Variants in SLC16A7 observed in about 807,000 individuals in gnomAD.
SLC16A7 encodes monocarboxylate transporter 2.
Under a neutral mutation model 34.9 loss-of-function variants are expected in SLC16A7, and 33 were observed. The ratio of observed to expected loss-of-function variants is 0.94; its 90% CI spans 0.72 to 1.26. The LOEUF (loss-of-function observed/expected upper bound fraction) is 1.26, where lower values mean the gene tolerates loss of function less well. Among genes scored for constraint, SLC16A7 ranks in the 50% most tolerant of loss-of-function variants. SLC16A7 has a pLI of 0.00. For synonymous variants in SLC16A7, 201 were observed against 206.6 expected (o/e 0.97, Z 0.23); for missense variants, 573 against 578.1 (o/e 0.99, Z 0.09).
intron 2 of SLC16A7, among the ~76,000 whole-genome samples, chr12:59,701,342 T>C (rs1361878373): frequency 8.6e-5 from 13 of 150,832 alleles, no homozygotes; most frequent in Admixed American, 8.6e-4. Context: ...GAGCCAGTAT[T>C]CGTAGCATTT....
intron 1 of SLC16A7, among the ~76,000 whole-genome samples, chr12:59,633,805 C>A (rs1592414647): frequency 6.6e-6 from 1 of 151,934 alleles, no homozygotes; most frequent in Admixed American, 6.6e-5. Context: ...ACCATCAGAT[C>A]TCCTGAAAAG....
chr12:59,727,170 A>ATATATATATATATATATATAAT (rs1555174538), intron 3 of SLC16A7, among the ~76,000 whole-genome samples: 5 of 144,376 alleles, frequency 3.5e-5, no homozygotes, highest in African/African-American at 1.3e-4. Context: ...ATATATATAT[A>ATATATATATATATATATATAAT]ATATATATAT....
At chr12:59,602,479 CT>C (rs34035713) in intron 1 of SLC16A7, among the ~76,000 whole-genome samples, 473 of 80,260 alleles carry the variant, frequency 5.9e-3, no homozygotes, top group Middle Eastern at 0.027. Flanking sequence ...GTGTTTTGGG[CT>C]TTTTTTTTTT....
intron 2 of SLC16A7, among the ~76,000 whole-genome samples, chr12:59,661,989 A>G (rs148131703): frequency 8.7e-4 from 132 of 151,586 alleles, no homozygotes; most frequent in African/African-American, 3.1e-3. Flanking sequence ...TGTTAGGATT[A>G]TGGTACTCTT....
In SLC16A7 at chr12:59,596,726, G is replaced by A. The variant is rs1054005945; in HGVS notation, c.-130+490G>A. Among the ~76,000 whole-genome samples the A allele has an allele frequency of 9.2e-5, 14 of 152,100 alleles. No homozygotes were observed. The highest frequency in any genetic ancestry group is 1.3e-4 in the Non-Finnish European group (9 of 68,030). ...CTTCATTGCCGCAGAAGGTGGAGGC[G>A]GGGGTGGAGTGTGTGGAGAGAACGT... On this transcript the variant is annotated intron_variant, in intron 1 of 5. Coordinates refer to ENST00000547379, the MANE Select transcript of SLC16A7 (RefSeq NM_001270623.2). This position sits in a 1 kb window ranked among gnomAD's most constrained non-coding sequence, Gnocchi z 5.0.
In SLC16A7 at chr12:59,774,870, GT is replaced by G; in HGVS notation, c.577del (p.Ser193ProfsTer3). 6.2e-7 allele frequency: 1 copy of G among 1,613,844 alleles called. No homozygotes were observed. The highest frequency in any genetic ancestry group is 1.7e-5 in the Admixed American group (1 of 59,954). On this transcript the variant is annotated frameshift_variant, in exon 5 of 6. Coordinates refer to ENST00000547379, the MANE Select transcript of SLC16A7 (RefSeq NM_001270623.2). LOFTEE classifies it high-confidence loss of function. ...CTACTTTTGAATGCCTGTGTGGCTG[GT>G]TCCCTCATGAGACCCCTTGGACCCA... ...GSLLLNACVA[G>X]SLMRPLGPNQ... is the part of the protein sequence containing the mutation.
chr12:59,753,147 A>G (rs898514617), intron 3 of SLC16A7, among the ~76,000 whole-genome samples: 2 of 152,234 alleles, frequency 1.3e-5, no homozygotes, highest in African/African-American at 4.8e-5. Flanking sequence ...GCCACTGCAA[A>G]ATCATGCCAA....
chr12:59,673,834 T>G (rs1870088630), intron 2 of SLC16A7, among the ~76,000 whole-genome samples: 1 of 152,146 alleles, frequency 6.6e-6, no homozygotes, highest in Admixed American at 6.5e-5. Flanking sequence ...CATTTATTTA[T>G]CTGTTAGTTC....
chr12:59,706,642 G>A, intron 3 of SLC16A7, among the ~76,000 whole-genome samples: 1 of 152,074 alleles, frequency 6.6e-6, no homozygotes, highest in African/African-American at 2.4e-5. Flanking sequence ...GAAACAGTAG[G>A]TATTGTAGAG....
At chr12:59,648,776 T>G (rs1015954858) in intron 1 of SLC16A7, among the ~76,000 whole-genome samples, 4 of 152,162 alleles carry the variant, frequency 2.6e-5, no homozygotes, top group African/African-American at 9.6e-5. Context: ...TGTTTAAGCC[T>G]CTAGTGATAG....
At chr12:59,604,996 G>A (rs1020853770) in intron 1 of SLC16A7, among the ~76,000 whole-genome samples, 6 of 151,984 alleles carry the variant, frequency 3.9e-5, no homozygotes, top group Non-Finnish European at 7.4e-5. Flanking sequence ...ACAGGCGCCC[G>A]CCACCACGCC....
chr12:59,706,512 G>A (rs1339500210), intron 3 of SLC16A7, among the ~76,000 whole-genome samples: 1 of 151,956 alleles, frequency 6.6e-6, no homozygotes, highest in African/African-American at 2.4e-5. Context: ...GTATCAAAAG[G>A]TATCCTTTAA....
chr12:59,700,994 G>T (rs1286428951), intron 2 of SLC16A7, among the ~76,000 whole-genome samples: 2 of 151,540 alleles, frequency 1.3e-5, no homozygotes, highest in African/African-American at 4.8e-5. Context: ...AGATGAGATC[G>T]TCATGCAAAG....
chr12:59,681,449 AT>A (rs5798505), intron 2 of SLC16A7, among the ~76,000 whole-genome samples: 197 of 149,134 alleles, frequency 1.3e-3, no homozygotes, highest in African/African-American at 4.2e-3. Context: ...TGTGCCAGCA[AT>A]TTTTTTTTTT....
At position 59,780,081 on chromosome 12, in the gene SLC16A7, G is replaced by C. The variant is rs576540232; in HGVS notation, c.*402G>C. 1 of 161,846 alleles carries C rather than the reference G, an allele frequency of 6.2e-6. No individual in the cohort carries two copies. Among genetic ancestry groups the C allele is most frequent in the South Asian group, 1.7e-4 (1 of 6,042 alleles). 10.0% of individuals were successfully genotyped at this position (161,846 alleles called of 1,614,324 possible). A position where few individuals can be genotyped will look rare whatever the true frequency, so the allele number is the denominator to read the frequency against. On this transcript the variant is annotated 3_prime_UTR_variant, in exon 6 of 6. Transcript: ENST00000547379. ...CCTTTATACATTTCATTTTTTATTTGATATTAAAGTATGAGATAGAGTTGA... is the reference window on the plus strand; with the variant it reads ...CCTTTATACATTTCATTTTTTATTTCATATTAAAGTATGAGATAGAGTTGA...
intron 5 of SLC16A7, among the ~76,000 whole-genome samples, chr12:59,778,219 T>C (rs1779299681): frequency 6.6e-6 from 1 of 152,266 alleles, no homozygotes; most frequent in African/African-American, 2.4e-5. Context: ...ATAATCATTG[T>C]AGAAATAGAA....
At position 59,699,091 on chromosome 12, in the gene SLC16A7, T is replaced by A. The variant is rs371181406; in HGVS notation, c.-30-5681T>A. ...TGTGGGTGATTTGCATGTTTTTCTT[T>A]ACGTATTTTTTTATTTTTAAAATTT... On this transcript the variant is annotated intron_variant, in intron 2 of 5. Transcript: ENST00000547379. 2.4e-4 allele frequency among the ~76,000 whole-genome samples: 36 copies of A among 151,822 alleles called. No homozygotes were observed. The South Asian group carries it at 7.5e-3, about 31-fold the overall frequency.
chr12:59,703,192 C>T (rs1873097266), intron 2 of SLC16A7, among the ~76,000 whole-genome samples: 1 of 151,920 alleles, frequency 6.6e-6, no homozygotes, highest in African/African-American at 2.4e-5. Context: ...CAAATTAATG[C>T]CACTGTATCC....
At chr12:59,700,403 T>C (rs1402087223) in intron 2 of SLC16A7, among the ~76,000 whole-genome samples, 2 of 150,928 alleles carry the variant, frequency 1.3e-5, no homozygotes, top group Non-Finnish European at 3.0e-5. Context: ...ATTTAAAAAC[T>C]GTTTCCAAGA....
Sources: gnomAD v4.1 joint callset for allele counts (sites outside exome capture counted in the v4.1 genomes callset) on GRCh38, gnomAD v4.1.1 for gene constraint, Gnocchi (gnomAD v3.1) non-coding constraint, MANE v1.5 for transcripts, NCBI Gene and HGNC (gene_info 2026-07-23, HGNC 2026-07-21) for gene names.